Variants in TSPO observed in about 807,000 individuals in gnomAD.
TSPO encodes translocator protein.
In TSPO, 14 loss-of-function variants were observed where a neutral mutation model predicts 13.9. That is an observed-to-expected ratio of 1.01 (90% confidence interval 0.67 to 1.58). The LOEUF is 1.58. TSPO is among the 40% of genes most tolerant of loss of function. TSPO has a pLI of 0.00. For synonymous variants in TSPO, 114 were observed against 105.9 expected, an observed-to-expected ratio of 1.08 and a Z score of -0.47; for missense variants, 232 against 229.6, an observed-to-expected ratio of 1.01 and a Z score of -0.07.
chr22:43,154,792 C>T (rs1931199148), intron 1 of TSPO, among the ~76,000 whole-genome samples: 1 of 152,150 alleles, frequency 6.6e-6, no homozygotes, highest in Admixed American at 6.6e-5. Context: ...GGTCTGGGGT[C>T]TTCGGGCCAG....
chr22:43,155,387 T>C (rs1379140579), intron 1 of TSPO, among the ~76,000 whole-genome samples: 1 of 152,166 alleles, frequency 6.6e-6, no homozygotes, highest in Admixed American at 6.5e-5. Flanking sequence ...GCTTGGAACC[T>C]TCTCCTGCCT....
In TSPO at chr22:43,159,956, G is replaced by A. The variant is rs929285813; in HGVS notation, c.182+536G>A. 3.3e-5 allele frequency among the ~76,000 whole-genome samples: 5 copies of A among 152,184 alleles called. No homozygotes were observed. In the South Asian group the frequency reaches 6.2e-4, roughly 19 times the overall value. On this transcript the variant is annotated intron_variant, in intron 2 of 3. Coordinates refer to ENST00000337554, the MANE Select transcript of TSPO (RefSeq NM_000714.6). ...AAGGACGTGCTGGGAGGGGCAGGGC[G>A]CCTCTTGGTGGCTGTAGCGGGGACC... is the stretch of plus-strand genomic sequence containing the variant.
Position 43,163,234 on chromosome 22 carries a change from C to T in TSPO, c.*243C>T, listed in dbSNP as rs546066736. 2 of 1,270,224 alleles carry T rather than the reference C, an allele frequency of 1.6e-6. No homozygotes were observed. The highest frequency in any genetic ancestry group is 2.1e-6 in the Non-Finnish European group (2 of 957,980). The allele number at this position is 1,270,224 out of a possible 1,614,324, so 78.7% of individuals were successfully genotyped here. On this transcript the variant is annotated 3_prime_UTR_variant, in exon 4 of 4. Coordinates refer to ENST00000337554, the MANE Select transcript of TSPO (RefSeq NM_000714.6). ...TTTATAAGCTGAATAAAGTTTTTGA[C>T]TTCCTTTACCATGGCCTTTTTGCTT...
chr22:43,154,800 C>G (rs904966864), intron 1 of TSPO, among the ~76,000 whole-genome samples: 4 of 152,094 alleles, frequency 2.6e-5, no homozygotes, highest in African/African-American at 9.7e-5. Context: ...GTCTTCGGGC[C>G]AGGAGTGAAG....
At chr22:43,155,663 C>A (rs138356077) in intron 1 of TSPO, among the ~76,000 whole-genome samples, 3 of 152,202 alleles carry the variant, frequency 2.0e-5, no homozygotes, top group Non-Finnish European at 4.4e-5. Flanking sequence ...CCCCAGCCCC[C>A]CAAGAAGCAG....
chr22:43,159,891 C>T (rs1027536255), intron 2 of TSPO, among the ~76,000 whole-genome samples: 1 of 152,166 alleles, frequency 6.6e-6, no homozygotes, highest in Non-Finnish European at 1.5e-5. Context: ...TCAGTCTGGC[C>T]TGAGTCCCCT....
In TSPO at chr22:43,161,699, A is replaced by G. The variant is rs1177972966; in HGVS notation, c.321+509A>G. The stretch of plus-strand genomic sequence containing the variant: ...ATTTTTTTAGTAGAGATGGGGTTTC[A>G]CTATGTTGGCCAGGCTGGTCTTGAA... On this transcript the variant is annotated intron_variant, in intron 3 of 3. Coordinates refer to ENST00000337554, the MANE Select transcript of TSPO (RefSeq NM_000714.6). 2.6e-5 allele frequency among the ~76,000 whole-genome samples: 4 copies of G among 151,880 alleles called. 1 individual carries two copies. The highest frequency in any genetic ancestry group is 2.6e-4 in the Admixed American group (4 of 15,248).
chr22:43,154,157 C>A (rs2147050353), intron 1 of TSPO, among the ~76,000 whole-genome samples: 1 of 152,114 alleles, frequency 6.6e-6, no homozygotes, highest in South Asian at 2.1e-4. Flanking sequence ...ATGAAAAATG[C>A]ACACAAAGGT....
intron 1 of TSPO, among the ~76,000 whole-genome samples, chr22:43,158,352 C>T (rs1359927333): frequency 2.6e-5 from 4 of 152,236 alleles, no homozygotes; most frequent in South Asian, 2.1e-4. Context: ...TCCTAGCCCT[C>T]GCCCCAGCAG....
At chr22:43,158,144 C>T (rs187718007) in intron 1 of TSPO, among the ~76,000 whole-genome samples, 1 of 152,180 alleles carries the variant, frequency 6.6e-6, no homozygotes, top group African/African-American at 2.4e-5. Flanking sequence ...CTGCTGACAC[C>T]CCTCTACCCC....
chr22:43,161,968 T>G (rs2063926611), intron 3 of TSPO, among the ~76,000 whole-genome samples: 1 of 151,758 alleles, frequency 6.6e-6, no homozygotes, highest in Non-Finnish European at 1.5e-5. Flanking sequence ...CTTTTTTTTT[T>G]GAGACAGAGT....
chr22:43,159,678 C>T (rs1301915122), intron 2 of TSPO: 4 of 412,450 alleles, frequency 9.7e-6, no homozygotes, highest in South Asian at 7.1e-5. Flanking sequence ...AGGCAGAGGC[C>T]GGCTTAGTGT....
In TSPO at chr22:43,159,440, C is replaced by T. The variant is rs1250391555; in HGVS notation, c.182+20C>T. On this transcript the variant is annotated intron_variant, in intron 2 of 3. Coordinates refer to ENST00000337554, the MANE Select transcript of TSPO (RefSeq NM_000714.6). ...CATGGGGTAGGTGGGCGTGCACTGG[C>T]CTGGGGATAAGCCTGGCCCTTTGCA... is the stretch of plus-strand genomic sequence containing the variant. The T allele has an allele frequency of 1.3e-6, 2 of 1,482,376 alleles. No individual in the cohort carries two copies. The highest frequency in any genetic ancestry group is 2.6e-5 in the East Asian group (1 of 38,738). 91.8% of individuals were successfully genotyped at this position (1,482,376 alleles called of 1,614,324 possible).
intron 3 of TSPO, among the ~76,000 whole-genome samples, chr22:43,161,625 C>A (rs1205569464): frequency 6.7e-6 from 1 of 150,298 alleles, no homozygotes; most frequent in African/African-American, 2.4e-5. Context: ...GTAGCTGGGA[C>A]TACAGGTGTG....
At chr22:43,156,334 G>A (rs1333680006) in intron 1 of TSPO, among the ~76,000 whole-genome samples, 1 of 152,212 alleles carries the variant, frequency 6.6e-6, no homozygotes. Context: ...GGGACCGAGT[G>A]TGTGCCTGGC....
At chr22:43,161,306 C>T in intron 3 of TSPO, 116 bp downstream of exon 3, 1 of 1,404,452 alleles carries the variant, frequency 7.1e-7, no homozygotes, top group East Asian at 2.4e-5. Context: ...AGACAAAAGG[C>T]CATGTCTCTC....
chr22:43,163,103 GC>G lies in TSPO; in HGVS notation c.*115del. ...GGCCTGCTAGTCTGTCAGGGCCTTG[GC>G]CCAGGGGTCAGCAGAGCTTCAGAGG... On this transcript the variant is annotated 3_prime_UTR_variant, in exon 4 of 4. Coordinates refer to ENST00000337554, the MANE Select transcript of TSPO (RefSeq NM_000714.6). 1.3e-6 allele frequency: 2 copies of G among 1,515,956 alleles called. No homozygotes were observed. 93.9% of individuals were successfully genotyped at this position (1,515,956 alleles called of 1,614,324 possible). A position where few individuals can be genotyped will look rare whatever the true frequency, so the allele number is the denominator to read the frequency against.
At chr22:43,155,954 G>C (rs965462416) in intron 1 of TSPO, among the ~76,000 whole-genome samples, 1 of 152,192 alleles carries the variant, frequency 6.6e-6, no homozygotes, top group Admixed American at 6.5e-5. Context: ...TACCGCCCCT[G>C]CCCACCTGTT....
intron 3 of TSPO, among the ~76,000 whole-genome samples, chr22:43,162,045 G>C (rs1931457450): frequency 6.6e-6 from 1 of 151,834 alleles, no homozygotes; most frequent in African/African-American, 2.4e-5. Flanking sequence ...CCACCTCCCA[G>C]GTTCAAGTGA....
Sources: gnomAD v4.1 joint callset for allele counts (sites outside exome capture counted in the v4.1 genomes callset) on GRCh38, gnomAD v4.1.1 for gene constraint, MANE v1.5 for transcripts, NCBI Gene and HGNC (gene_info 2026-07-23, HGNC 2026-07-21) for gene names.